The following SNX22 variants were observed in gnomAD, a reference collection of about 807,000 sequenced individuals.
SNX22 encodes the protein sorting nexin 22, also known as sorting nexin-22.
A neutral mutation model predicts 24.7 loss-of-function variants in SNX22; 23 were observed. That is an observed-to-expected ratio of 0.93 (90% CI 0.67 to 1.32). SNX22 has a LOEUF of 1.32. SNX22 is among the 40% of genes most tolerant of loss of function. The probability of loss-of-function intolerance (pLI) is 0.00; values close to 1 mark genes in which losing one functional copy is unlikely to be tolerated. For missense variants in SNX22, 261 were observed against 249.9 expected (o/e 1.04, Z -0.30); for synonymous variants, 99 against 104.0 (o/e 0.95, Z 0.29).
Position 64,156,070 on chromosome 15 carries a change from A to T in SNX22, c.*1562A>T, listed in dbSNP as rs1029326377. On this transcript the variant is annotated 3_prime_UTR_variant, in exon 7 of 7. Transcript: ENST00000325881. The surrounding 1 kb of genome is among the most constrained non-coding windows in gnomAD (Gnocchi z 6.4). ...GGCTTCTCCACCTCGATCTTGCCGC[A>T]GTCTGCGATGATCACATCCTTCAGG... is the stretch of plus-strand genomic sequence containing the variant. The T allele has an allele frequency of 1.9e-6, 3 of 1,614,056 alleles. No homozygotes were observed. The highest frequency in any genetic ancestry group is 2.7e-5 in the African/African-American group (2 of 74,896).
At chr15:64,154,023 G>A in intron 6 of SNX22, 21 bp downstream of exon 6, 2 of 1,614,120 alleles carry the variant, frequency 1.2e-6, no homozygotes, top group Non-Finnish European at 1.7e-6. Flanking sequence ...GCCTAGATAT[G>A]GGGCTACAGG....
chr15:64,153,405 G>C, intron 4 of SNX22, 66 bp downstream of exon 4: 1 of 1,603,784 alleles, frequency 6.2e-7, no homozygotes, highest in Non-Finnish European at 8.5e-7. Flanking sequence ...AGGTGTTGGA[G>C]GGCAAGCCCT....
At chr15:64,152,563 G>A (rs907758646) in intron 2 of SNX22, 75 bp from the exon 3 acceptor site, 5 of 1,439,954 alleles carry the variant, frequency 3.5e-6, no homozygotes, top group Non-Finnish European at 4.8e-6. Flanking sequence ...GGCGCGGGAG[G>A]GCTTCTGGCT....
chr15:64,153,217 G>A, intron 3 of SNX22, 28 bp from the exon 4 acceptor site: 2 of 1,613,604 alleles, frequency 1.2e-6, no homozygotes, highest in Middle Eastern at 1.7e-4. Flanking sequence ...AGCTGGGTCT[G>A]ATTGCAGGTC....
At position 64,151,771 on chromosome 15, in the gene SNX22, CG is replaced by C; in HGVS notation, c.-4del. On this transcript the variant is annotated 5_prime_UTR_variant, in exon 1 of 7. Transcript: ENST00000325881. ...GCGCGCGGAGCAGCTGGGGCCGGGG[CG>C]CGGATGCTGGAAGTTCACATCCCGT... The C allele has an allele frequency of 6.5e-7, 1 of 1,531,876 alleles. No homozygotes were observed. Among genetic ancestry groups the C allele is most frequent in the Non-Finnish European group, 8.8e-7 (1 of 1,141,684 alleles). The allele number at this position is 1,531,876 out of a possible 1,614,324, so 94.9% of individuals were successfully genotyped here.
At chr15:64,152,784 CA>C (rs777277253) in intron 3 of SNX22, 42 bp downstream of exon 3, 26 of 1,577,820 alleles carry the variant, frequency 1.6e-5, no homozygotes, top group Non-Finnish European at 1.8e-5. Flanking sequence ...CCTTCTGTGC[CA>C]GGGGTGTGGC....
At position 64,153,984 on chromosome 15, in the gene SNX22, G is replaced by T; in HGVS notation, c.442G>T (p.Val148Phe). The change falls in exon 6 of 7, where the codon GTT becomes TTT. Residue 148 changes from valine to phenylalanine, a missense_variant. Transcript: ENST00000325881. ...CCTGAGCTTCCATGTGGATCCCTAT[G>T]TTTGCAACCCCTCCCCAGGTGAGGA... ...PVLSFHVDPY[V>F]CNPSPESLPN... 3.1e-6 allele frequency: 5 copies of T among 1,614,042 alleles called. No homozygotes were observed. Among genetic ancestry groups the T allele is most frequent in the Non-Finnish European group, 4.2e-6 (5 of 1,180,000 alleles).
intron 3 of SNX22, 198 bp from the exon 4 acceptor site, chr15:64,153,047 C>G: frequency 1.5e-6 from 1 of 671,266 alleles, no homozygotes; most frequent in Non-Finnish European, 2.5e-6. Context: ...CCCCCAACAG[C>G]AAAGCTATGC....
At chr15:64,152,040 AG>A in intron 1 of SNX22, 190 bp downstream of exon 1, 3 of 744,404 alleles carry the variant, frequency 4.0e-6, no homozygotes, top group Non-Finnish European at 6.1e-6. Flanking sequence ...CGAGCTCTTG[AG>A]GGACCCCAGG....
chr15:64,155,658 G>A lies in SNX22; in HGVS notation c.*1150G>A, dbSNP rs1274316560. 1 of 303,252 alleles carries A rather than the reference G, an allele frequency of 3.3e-6. No homozygotes were observed. The highest frequency in any genetic ancestry group is 2.2e-5 in the African/African-American group (1 of 46,278). The allele number at this position is 303,252 out of a possible 1,614,324, so 18.8% of individuals were successfully genotyped here. ...CAAAGTTTAGAAGCAGGGGGCAAAA[G>A]CTCCTGCCTGACTTTTCCTGGGTAG... On this transcript the variant is annotated 3_prime_UTR_variant, in exon 7 of 7. Coordinates refer to ENST00000325881, the MANE Select transcript of SNX22 (RefSeq NM_024798.3).
chr15:64,152,462 C>T (rs1037835119), intron 2 of SNX22, 136 bp downstream of exon 2: 7 of 1,245,278 alleles, frequency 5.6e-6, no homozygotes, highest in Non-Finnish European at 7.9e-6. Context: ...GCCGGTCAGC[C>T]CCCGGGCCTC....
At chr15:64,153,029 G>T (rs2081498652) in intron 3 of SNX22, 5 of 633,562 alleles carry the variant, frequency 7.9e-6, no homozygotes, top group Non-Finnish European at 1.4e-5. Flanking sequence ...TGTAGGGTGA[G>T]GGTCCTTCCC....
intron 3 of SNX22, chr15:64,152,978 T>C (rs961947779): frequency 7.1e-5 from 43 of 606,498 alleles, no homozygotes; most frequent in Non-Finnish European, 1.0e-4. Flanking sequence ...CCAGGTCCTG[T>C]CCCCTCCATG....
chr15:64,155,513 A>G lies in SNX22; in HGVS notation c.*1005A>G, dbSNP rs2081521858. On this transcript the variant is annotated 3_prime_UTR_variant, in exon 7 of 7. Transcript: ENST00000325881. ...ACATAGTGAGACCTGTCTCTACCAAAAAAAAAAAAAAAAAAAAAAAATCAA... is the reference window on the plus strand; with the variant it reads ...ACATAGTGAGACCTGTCTCTACCAAGAAAAAAAAAAAAAAAAAAAAATCAA... The G allele has an allele frequency of 2.5e-5, 1 of 39,490 alleles. No homozygotes were observed. Among genetic ancestry groups the G allele is most frequent in the Non-Finnish European group, 1.5e-4 (1 of 6,754 alleles). The allele number at this position is 39,490 out of a possible 1,614,324, so 2.4% of individuals were successfully genotyped here.
rs1463132068 is a variant in SNX22, at chr15:64,151,771, C to A, written c.-5C>A. On this transcript the variant is annotated 5_prime_UTR_variant, in exon 1 of 7. Transcript: ENST00000325881. Reference sequence around the variant, plus strand: ...GCGCGCGGAGCAGCTGGGGCCGGGGCGCGGATGCTGGAAGTTCACATCCCG... The same window carrying A: ...GCGCGCGGAGCAGCTGGGGCCGGGGAGCGGATGCTGGAAGTTCACATCCCG... 2.0e-6 allele frequency: 3 copies of A among 1,531,754 alleles called. No individual in the cohort carries two copies. Among genetic ancestry groups the A allele is most frequent in the Admixed American group, 2.0e-5 (1 of 49,982 alleles). The allele number at this position is 1,531,754 out of a possible 1,614,324, so 94.9% of individuals were successfully genotyped here. A position where few individuals can be genotyped will look rare whatever the true frequency, so the allele number is the denominator to read the frequency against.
Position 64,156,247 on chromosome 15 carries a change from G to T in SNX22, c.*1739G>T. The T allele has an allele frequency of 6.9e-7, 1 of 1,457,386 alleles. No individual in the cohort carries two copies. Among genetic ancestry groups the T allele is most frequent in the Non-Finnish European group, 9.5e-7 (1 of 1,056,910 alleles). 90.3% of individuals were successfully genotyped at this position (1,457,386 alleles called of 1,614,324 possible). A position where few individuals can be genotyped will look rare whatever the true frequency, so the allele number is the denominator to read the frequency against. On this transcript the variant is annotated 3_prime_UTR_variant, in exon 7 of 7. Coordinates refer to ENST00000325881, the MANE Select transcript of SNX22 (RefSeq NM_024798.3). This position sits in a 1 kb window ranked among gnomAD's most constrained non-coding sequence, Gnocchi z 6.4. The stretch of plus-strand genomic sequence containing the variant: ...GGCTCAGGAGGGCTAAGACCCACAA[G>T]TGATCAACAGCACACAAAACTGGAG...
chr15:64,155,726 G>T lies in SNX22; in HGVS notation c.*1218G>T. 1 of 383,664 alleles carries T rather than the reference G, an allele frequency of 2.6e-6. No individual in the cohort carries two copies. The allele number at this position is 383,664 out of a possible 1,614,324, so 23.8% of individuals were successfully genotyped here. A position where few individuals can be genotyped will look rare whatever the true frequency, so the allele number is the denominator to read the frequency against. On this transcript the variant is annotated 3_prime_UTR_variant, in exon 7 of 7. Transcript: ENST00000325881. ...CAGGCAGGATCCCAGGGAAGGGGCA[G>T]GCACCCATTGCCACAGGAGAGTTGC...
In SNX22 at chr15:64,152,637, G is replaced by C; in HGVS notation, c.160-1G>C. 5 of 1,614,086 alleles carry C rather than the reference G, an allele frequency of 3.1e-6. No homozygotes were observed. Among genetic ancestry groups the C allele is most frequent in the Non-Finnish European group, 4.2e-6 (5 of 1,179,952 alleles). ...GATCGCACGCGGTAAACCTCCAGTA[G>C]ATCAAGAAGCTGTACAAAGTGCCCG... On this transcript the variant is annotated splice_acceptor_variant, in intron 2 of 6. Coordinates refer to ENST00000325881, the MANE Select transcript of SNX22 (RefSeq NM_024798.3). LOFTEE classifies it high-confidence loss of function.
rs201075610 is a variant in SNX22, at chr15:64,155,971, C to G, written c.*1463C>G. 6.2e-7 allele frequency: 1 copy of G among 1,612,928 alleles called. No homozygotes were observed. Among genetic ancestry groups the G allele is most frequent in the Non-Finnish European group, 8.5e-7 (1 of 1,179,546 alleles). ...GCCAGTGCAGCTCAGAGCCCTGTGG[C>G]GGACTACAGGGCCTGCACAGACGGT... On this transcript the variant is annotated 3_prime_UTR_variant, in exon 7 of 7. Transcript: ENST00000325881.
Sources: allele counts gnomAD v4.1 joint callset, GRCh38; gene constraint gnomAD v4.1.1; non-coding constraint Gnocchi (gnomAD v3.1); transcripts MANE v1.5; gene names NCBI Gene and HGNC (gene_info 2026-07-23, HGNC 2026-07-21).